Variants in STOX2 observed in about 807,000 individuals in gnomAD.
The protein encoded by STOX2 is storkhead box 2.
In STOX2, 28 loss-of-function variants were observed where a neutral mutation model predicts 60.9. The observed-to-expected ratio is 0.46, with a 90% CI of 0.34 to 0.63. STOX2 has a LOEUF of 0.63. Among genes scored for constraint, STOX2 ranks in the 30% least tolerant of loss-of-function variants. STOX2 has a pLI of 0.01. For missense variants in STOX2, 1,024 were observed against 1,187.7 expected (o/e 0.86, Z 2.03); for synonymous variants, 472 against 463.9 (o/e 1.02, Z -0.22).
intron 1 of STOX2, among the ~76,000 whole-genome samples, chr4:183,899,251 G>A (rs1031654235): frequency 2.6e-5 from 4 of 152,074 alleles, no homozygotes; most frequent in Non-Finnish European, 5.9e-5. Context: ...ATTGAAACTA[G>A]GCCAATTAAT....
intron 1 of STOX2, among the ~76,000 whole-genome samples, chr4:183,852,331 G>A (rs543264625): frequency 1.1e-4 from 12 of 109,734 alleles, no homozygotes; most frequent in African/African-American, 5.1e-4. Flanking sequence ...GAAAGGATGA[G>A]GGAAAGGATG....
intron 1 of STOX2, among the ~76,000 whole-genome samples, chr4:183,963,902 A>T (rs1264020760): frequency 6.6e-6 from 1 of 150,442 alleles, no homozygotes; most frequent in African/African-American, 2.5e-5. Context: ...CAGCCTCCCT[A>T]GTAGCTGGGA....
intron 1 of STOX2, among the ~76,000 whole-genome samples, chr4:183,863,038 A>C (rs1203613563): frequency 6.6e-6 from 1 of 152,180 alleles, no homozygotes; most frequent in Non-Finnish European, 1.5e-5. Flanking sequence ...ATCGTAGTTC[A>C]GGATCTTCCG....
chr4:183,822,672 C>T (rs544266482), intron 1 of STOX2, among the ~76,000 whole-genome samples: 15 of 152,358 alleles, frequency 9.8e-5, no homozygotes, highest in African/African-American at 3.4e-4. Flanking sequence ...CGATGGGGAG[C>T]AGCTGCAAAT....
intron 1 of STOX2, among the ~76,000 whole-genome samples, chr4:183,835,211 G>T (rs1739675599): frequency 6.6e-6 from 1 of 150,762 alleles, no homozygotes; most frequent in South Asian, 2.1e-4. Context: ...TCATCATAGT[G>T]TCTGGCAACC....
intron 1 of STOX2, among the ~76,000 whole-genome samples, chr4:183,980,955 T>C (rs1318342388): frequency 6.6e-6 from 1 of 152,220 alleles, no homozygotes; most frequent in Non-Finnish European, 1.5e-5. Context: ...CTCAGCTCTT[T>C]GACCTTATAA....
intron 1 of STOX2, among the ~76,000 whole-genome samples, chr4:183,823,293 G>A (rs1053100685): frequency 2.6e-5 from 4 of 152,172 alleles, no homozygotes; most frequent in African/African-American, 9.7e-5. Flanking sequence ...CTACTCGGGA[G>A]GCTGAGGCAG....
chr4:183,970,156 G>GTGTGTGTGTGTA (rs1391044480), intron 1 of STOX2, among the ~76,000 whole-genome samples: 2 of 149,316 alleles, frequency 1.3e-5, no homozygotes, highest in African/African-American at 5.0e-5. Context: ...GTGTGTGTGT[G>GTGTGTGTGTGTA]TGTGTGTGTG....
At chr4:183,943,564 C>G (rs866074646) in intron 1 of STOX2, among the ~76,000 whole-genome samples, 2 of 152,118 alleles carry the variant, frequency 1.3e-5, no homozygotes, top group Non-Finnish European at 2.9e-5. Context: ...ATAAAGTGAT[C>G]AAGAATTTCA....
chr4:183,883,855 A>ATT, intron 1 of STOX2, among the ~76,000 whole-genome samples: 1 of 101,522 alleles, frequency 9.9e-6, no homozygotes, highest in African/African-American at 3.1e-5. Context: ...AGTAAATTTT[A>ATT]TTTTATTTTT....
At chr4:183,964,403 T>C (rs1387227847) in intron 1 of STOX2, among the ~76,000 whole-genome samples, 1 of 152,190 alleles carries the variant, frequency 6.6e-6, no homozygotes, top group African/African-American at 2.4e-5. Context: ...ATGGTGAGGT[T>C]GTATGTAATG....
chr4:183,906,120 C>T lies in STOX2; in HGVS notation c.-671C>T, dbSNP rs921746214. 1 of 152,448 alleles carries T rather than the reference C, an allele frequency of 6.6e-6. No homozygotes were observed. Among genetic ancestry groups the T allele is most frequent in the Non-Finnish European group, 1.5e-5 (1 of 68,094 alleles). The allele number at this position is 152,448 out of a possible 1,614,324, so 9.4% of individuals were successfully genotyped here. The stretch of plus-strand genomic sequence containing the variant: ...TCGGATCCTGTGCACACGCGCCCCC[C>T]GCTCGAGCCTCTGTGATGAAGACTG... On this transcript the variant is annotated 5_prime_UTR_variant, in exon 1 of 4. Coordinates refer to ENST00000308497, the MANE Select transcript of STOX2 (RefSeq NM_020225.3).
chr4:183,886,324 G>GAGGGTGAAGGTTCCGATGGTTGCTGGAT (rs1276420829), intron 1 of STOX2, among the ~76,000 whole-genome samples: 2 of 148,492 alleles, frequency 1.3e-5, no homozygotes, highest in Non-Finnish European at 3.0e-5. Flanking sequence ...GCAAGATCAG[G>GAGGGTGAAGGTTCCGATGGTTGCTGGAT]GTCACTAGGA....
intron 1 of STOX2, among the ~76,000 whole-genome samples, chr4:183,953,085 G>A (rs1210124078): frequency 6.6e-6 from 1 of 152,112 alleles, no homozygotes; most frequent in African/African-American, 2.4e-5. Flanking sequence ...AATACCTAAT[G>A]TAGATGATGG....
intron 1 of STOX2, among the ~76,000 whole-genome samples, chr4:183,942,313 A>T (rs950406240): frequency 1.3e-5 from 2 of 148,988 alleles, no homozygotes; most frequent in Non-Finnish European, 3.0e-5. Context: ...CATTATATAT[A>T]TATATATGTG....
chr4:183,911,321 G>T (rs1427597659), intron 1 of STOX2, among the ~76,000 whole-genome samples: 3 of 152,178 alleles, frequency 2.0e-5, no homozygotes, highest in South Asian at 2.1e-4. Context: ...GAGGGGGGAA[G>T]AAATAAATGA....
intron 1 of STOX2, among the ~76,000 whole-genome samples, chr4:183,886,811 C>T (rs1315157207): frequency 6.6e-6 from 1 of 152,124 alleles, no homozygotes; most frequent in Non-Finnish European, 1.5e-5. Flanking sequence ...AAAAACAACC[C>T]CACTCTGCCA....
chr4:184,013,883 C>T (rs1734257621), intron 3 of STOX2, among the ~76,000 whole-genome samples: 1 of 152,090 alleles, frequency 6.6e-6, no homozygotes, highest in Non-Finnish European at 1.5e-5. Context: ...AACTCCTGGG[C>T]TCAAGCAATC....
At chr4:183,915,145 T>TA (rs1178679541) in intron 1 of STOX2, among the ~76,000 whole-genome samples, 2 of 152,218 alleles carry the variant, frequency 1.3e-5, no homozygotes, top group Non-Finnish European at 2.9e-5. Context: ...TTTCTGAAGA[T>TA]AAAAGAGAGA....
Sources: gnomAD v4.1 joint callset for allele counts (sites outside exome capture counted in the v4.1 genomes callset) on GRCh38, gnomAD v4.1.1 for gene constraint, MANE v1.5 for transcripts, NCBI Gene and HGNC (gene_info 2026-07-23, HGNC 2026-07-21) for gene names.